MRC1: variants seen among roughly 807,000 people sequenced by gnomAD.
The protein encoded by MRC1 is macrophage mannose receptor 1.
A neutral mutation model predicts 102.9 loss-of-function variants in MRC1; 62 were observed. The observed-to-expected ratio is 0.60, with a 90% CI of 0.49 to 0.74. The LOEUF is 0.74. Ranked by LOEUF, MRC1 falls within the 30% of genes least tolerant of loss-of-function variation. MRC1 has a pLI of 0.00. For synonymous variants in MRC1, 457 were observed against 298.4 expected (o/e 1.53, Z -5.48); for missense variants, 1,237 against 862.8 (o/e 1.43, Z -5.43).
chr10:17,908,306 T>G (rs982059388), intron 28 of MRC1, among the ~76,000 whole-genome samples: 2 of 152,216 alleles, frequency 1.3e-5, no homozygotes, highest in Admixed American at 6.5e-5. Flanking sequence ...GACAGAATCT[T>G]GCTCTGCCAC....
chr10:17,816,881 C>T (rs1838320500), intron 1 of MRC1, among the ~76,000 whole-genome samples: 2 of 152,010 alleles, frequency 1.3e-5, no homozygotes, highest in African/African-American at 4.8e-5. Flanking sequence ...CTTTAATAAC[C>T]AAATTTTCTT....
rs1481828146 is a variant in MRC1, at chr10:17,901,960, T to G, written c.3650-13T>G. On this transcript the variant is annotated splice_polypyrimidine_tract_variant and intron_variant, in intron 25 of 29. Coordinates refer to ENST00000569591, the MANE Select transcript of MRC1 (RefSeq NM_002438.4). Reference sequence around the variant, plus strand: ...CAGGTTTTGCTTTATTTAAAATGTGTTTTTATTAACAGAAATCCCTGCTAC... The same window carrying G: ...CAGGTTTTGCTTTATTTAAAATGTGGTTTTATTAACAGAAATCCCTGCTAC... The G allele has an allele frequency of 5.1e-6, 4 of 780,704 alleles. No individual in the cohort carries two copies. Among genetic ancestry groups the G allele is most frequent in the Non-Finnish European group, 9.6e-6 (4 of 417,952 alleles). 48.4% of individuals were successfully genotyped at this position (780,704 alleles called of 1,614,324 possible).
At chr10:17,824,402 A>T (rs1008115233) in intron 2 of MRC1, among the ~76,000 whole-genome samples, 1,752 of 152,310 alleles carry the variant, frequency 0.012, 18 homozygotes, top group Middle Eastern at 0.027. Flanking sequence ...CAAAATTGCT[A>T]TGTTACGGGG....
chr10:17,812,890 C>T (rs918459834), intron 1 of MRC1, among the ~76,000 whole-genome samples: 1 of 152,200 alleles, frequency 6.6e-6, no homozygotes, highest in Non-Finnish European at 1.5e-5. Flanking sequence ...CTCTTGCTAG[C>T]TGCTGCTATT....
chr10:17,906,298 C>CTTTT (rs1184231740), intron 26 of MRC1, among the ~76,000 whole-genome samples: 1 of 136,302 alleles, frequency 7.3e-6, no homozygotes, highest in Admixed American at 7.5e-5. Flanking sequence ...TAACCCATGT[C>CTTTT]TTTTTTTTTT....
intron 3 of MRC1, among the ~76,000 whole-genome samples, chr10:17,829,551 A>T (rs1838537378): frequency 6.6e-6 from 1 of 151,474 alleles, no homozygotes; most frequent in Non-Finnish European, 1.5e-5. Context: ...TTTCCATTCA[A>T]GGTTTTTAGA....
At chr10:17,845,028 T>C in intron 5 of MRC1, 1 of 719,254 alleles carries the variant, frequency 1.4e-6, no homozygotes. Context: ...TAGCTGATAA[T>C]GGGGGAAAGG....
chr10:17,855,703 A>G (rs1236328869), intron 8 of MRC1, among the ~76,000 whole-genome samples: 3 of 152,126 alleles, frequency 2.0e-5, no homozygotes, highest in African/African-American at 7.2e-5. Context: ...TCTCAGATAT[A>G]AAATCATATT....
rs1833913752 is a variant in MRC1 at position 17,907,628 on chromosome 10, T to G, written c.4008T>G (p.His1336Gln). ...AACGGAATGATTGTGTAGCTTTACA[T>G]GCGTCTTCTGGGTTTTGGAGTAATA... The part of the protein sequence containing the change: ...SGERNDCVAL[H>Q]ASSGFWSNIH... The change falls in exon 28 of 30, where the codon CAT becomes CAG. Residue 1336 changes from histidine (H) to glutamine (Q), a missense_variant. His to Gln is a conservative substitution (Grantham distance 24). Transcript: ENST00000569591. 5 of 780,780 alleles carry G rather than the reference T, an allele frequency of 6.4e-6. No individual in the cohort carries two copies. In the South Asian group the frequency reaches 6.7e-5, roughly 10 times the overall value. The allele number at this position is 780,780 out of a possible 1,614,324, so 48.4% of individuals were successfully genotyped here.
intron 5 of MRC1, among the ~76,000 whole-genome samples, chr10:17,843,802 A>AT (rs1838785122): frequency 6.6e-6 from 1 of 152,196 alleles, no homozygotes; most frequent in East Asian, 1.9e-4. Flanking sequence ...TATTTAGGTT[A>AT]TTACCTGCTC....
At chr10:17,839,208 G>T (rs1238733469) in intron 4 of MRC1, among the ~76,000 whole-genome samples, 3 of 152,122 alleles carry the variant, frequency 2.0e-5, no homozygotes, top group Non-Finnish European at 4.4e-5. Flanking sequence ...ATGTCAAAAG[G>T]TAATTCTCTT....
At chr10:17,880,302 A>G (rs979338604) in intron 19 of MRC1, among the ~76,000 whole-genome samples, 7 of 152,182 alleles carry the variant, frequency 4.6e-5, no homozygotes, top group Admixed American at 2.0e-4. Flanking sequence ...CATCATGTAC[A>G]TGTTTGGTTC....
At chr10:17,863,328 A>C (rs1162386463) in intron 10 of MRC1, among the ~76,000 whole-genome samples, 5 of 152,208 alleles carry the variant, frequency 3.3e-5, no homozygotes, top group African/African-American at 4.8e-5. Context: ...ATACTCAGCT[A>C]TATGGTATTT....
In MRC1 at chr10:17,907,132, T is replaced by G. The variant is rs1833905748; in HGVS notation, c.3913+133T>G. 5 of 683,354 alleles carry G rather than the reference T, an allele frequency of 7.3e-6. No individual in the cohort carries two copies. The East Asian group carries it at 1.2e-4, about 17-fold the overall frequency. The allele number at this position is 683,354 out of a possible 1,614,324, so 42.3% of individuals were successfully genotyped here. A position where few individuals can be genotyped will look rare whatever the true frequency, so the allele number is the denominator to read the frequency against. Reference sequence around the variant, plus strand: ...GAATTTGAAAATTCAAACTCATATTTTTATTTAAGAACTGAAATTTAAAAT... The same window carrying G: ...GAATTTGAAAATTCAAACTCATATTGTTATTTAAGAACTGAAATTTAAAAT... On this transcript the variant is annotated intron_variant, in intron 27 of 29. Coordinates refer to ENST00000569591, the MANE Select transcript of MRC1 (RefSeq NM_002438.4).
In MRC1 at chr10:17,849,559, A is replaced by AG. The variant is rs782264378; in HGVS notation, c.1064-20_1064-19insG. On this transcript the variant is annotated intron_variant, in intron 6 of 29. Transcript: ENST00000569591. ...TCAAATCTTTTAAAATTTTTTTCCGACCCCCCTTTTTGTTTCTAGAAAGTG... is the reference window on the plus strand; with the variant it reads ...TCAAATCTTTTAAAATTTTTTTCCGAGCCCCCCTTTTTGTTTCTAGAAAGTG... The AG allele has an allele frequency of 6.5e-6, 5 of 774,092 alleles. No homozygotes were observed. Among genetic ancestry groups the AG allele is most frequent in the Non-Finnish European group, 7.2e-6 (3 of 415,512 alleles). 48.0% of individuals were successfully genotyped at this position (774,092 alleles called of 1,614,324 possible). A position where few individuals can be genotyped will look rare whatever the true frequency, so the allele number is the denominator to read the frequency against.
intron 28 of MRC1, among the ~76,000 whole-genome samples, chr10:17,908,179 C>G (rs889871868): frequency 6.6e-6 from 1 of 152,214 alleles, no homozygotes; most frequent in Non-Finnish European, 1.5e-5. Flanking sequence ...TGAATGCTCA[C>G]AAGGTGCCTC....
intron 3 of MRC1, among the ~76,000 whole-genome samples, chr10:17,832,122 G>T (rs1838583536): frequency 6.6e-6 from 1 of 151,612 alleles, no homozygotes; most frequent in African/African-American, 2.4e-5. Flanking sequence ...CAGTCTGTCT[G>T]CAGGAGTCCG....
At chr10:17,880,768 A>G (rs1564622826) in intron 20 of MRC1, 98 bp downstream of exon 20, 2 of 762,198 alleles carry the variant, frequency 2.6e-6, no homozygotes, top group Admixed American at 3.7e-5. Flanking sequence ...TCATTACTTT[A>G]GAAAATTTTT....
At chr10:17,894,392 T>TTA in intron 23 of MRC1, 80 bp downstream of exon 23, 19 of 605,884 alleles carry the variant, frequency 3.1e-5, no homozygotes, top group East Asian at 5.9e-5. Context: ...CTTTCTTTCT[T>TTA]TCTTTTTTTT....
Sources: gnomAD v4.1 joint callset for allele counts (sites outside exome capture counted in the v4.1 genomes callset) on GRCh38, gnomAD v4.1.1 for gene constraint, MANE v1.5 for transcripts, NCBI Gene and HGNC (gene_info 2026-07-23, HGNC 2026-07-21) for gene names.